TENM4: variants seen among roughly 807,000 people sequenced by gnomAD.
The protein encoded by TENM4 is teneurin-4.
In TENM4, 82 loss-of-function variants were observed where a neutral mutation model predicts 243.3. The observed-to-expected ratio is 0.34, with a 90% CI of 0.28 to 0.40. TENM4 has a LOEUF of 0.40. TENM4 is among the 10% of genes least tolerant of loss of function. The pLI is 1.00. For synonymous variants in TENM4, 1,412 were observed against 1,456.3 expected (o/e 0.97, Z 0.69); for missense variants, 3,138 against 3,673.3 (o/e 0.85, Z 3.77).
intron 4 of TENM4, among the ~76,000 whole-genome samples, chr11:79,070,386 G>C (rs1377809635): frequency 6.6e-6 from 1 of 152,106 alleles, no homozygotes; most frequent in Admixed American, 6.5e-5. Flanking sequence ...CTGGCCCAGG[G>C]CTCCTTAAAA....
chr11:78,895,478 T>C (rs1254279524), intron 7 of TENM4, among the ~76,000 whole-genome samples: 2 of 152,134 alleles, frequency 1.3e-5, no homozygotes, highest in African/African-American at 2.4e-5. Context: ...ACCCATACCA[T>C]AGCAAGTCAG....
At chr11:79,232,692 A>C (rs925395064) in intron 2 of TENM4, among the ~76,000 whole-genome samples, 2 of 152,384 alleles carry the variant, frequency 1.3e-5, no homozygotes, top group Admixed American at 6.5e-5. Flanking sequence ...GAGAATATAA[A>C]GGAATTTCTC....
intron 4 of TENM4, among the ~76,000 whole-genome samples, chr11:79,080,339 A>G (rs557627056): frequency 6.6e-6 from 1 of 152,344 alleles, no homozygotes; most frequent in Non-Finnish European, 1.5e-5. Context: ...AAACACGTCT[A>G]CAGGTGATTC....
At position 79,282,180 on chromosome 11, in the gene TENM4, G is replaced by T. The variant is rs550973817; in HGVS notation, c.-265+15308C>A. Among the ~76,000 whole-genome samples the T allele has an allele frequency of 1.4e-3, 213 of 152,304 alleles. 1 individual carries two copies. Among genetic ancestry groups the T allele is most frequent in the Admixed American group, 4.5e-3 (69 of 15,298 alleles). On this transcript the variant is annotated intron_variant, in intron 2 of 33. Coordinates refer to ENST00000278550, the MANE Select transcript of TENM4 (RefSeq NM_001098816.3). ...AAAAGTACTGAAAAGGATGTAAAAT[G>T]ATCTCTCCTTTCTCTACATTTCTGT...
At chr11:78,890,251 A>G (rs1209971493) in intron 8 of TENM4, among the ~76,000 whole-genome samples, 1 of 152,176 alleles carries the variant, frequency 6.6e-6, no homozygotes, top group Non-Finnish European at 1.5e-5. Flanking sequence ...AGCCCTACCC[A>G]TGGGAAAACC....
intron 1 of TENM4, among the ~76,000 whole-genome samples, chr11:79,412,772 T>A (rs1590948211): frequency 6.6e-6 from 1 of 152,240 alleles, no homozygotes; most frequent in Non-Finnish European, 1.5e-5. Context: ...CGTGCATGCA[T>A]CCATTCATTC....
At chr11:79,372,241 G>A (rs1857802882) in intron 1 of TENM4, among the ~76,000 whole-genome samples, 1 of 152,190 alleles carries the variant, frequency 6.6e-6, no homozygotes, top group African/African-American at 2.4e-5. Flanking sequence ...TTATTAGATG[G>A]ACATCCCAGG....
intron 4 of TENM4, among the ~76,000 whole-genome samples, chr11:79,072,480 G>A (rs1480100773): frequency 3.3e-4 from 9 of 27,448 alleles, no homozygotes; most frequent in Non-Finnish European, 8.7e-4. Context: ...GTGAGACCCT[G>A]TCTCAAAAAA....
chr11:78,816,137 A>G (rs1857599964), intron 12 of TENM4, among the ~76,000 whole-genome samples: 1 of 152,242 alleles, frequency 6.6e-6, no homozygotes, highest in South Asian at 2.1e-4. Context: ...ATTCTCAGGT[A>G]CTGAAAAAGG....
chr11:78,707,603 T>G (rs975726453), intron 27 of TENM4, among the ~76,000 whole-genome samples: 2 of 152,282 alleles, frequency 1.3e-5, no homozygotes, highest in African/African-American at 4.8e-5. Flanking sequence ...CCTTTGCACA[T>G]GCTGTTTCCT....
intron 6 of TENM4, among the ~76,000 whole-genome samples, chr11:78,968,033 A>G (rs1857472032): frequency 1.3e-5 from 2 of 152,190 alleles, no homozygotes; most frequent in African/African-American, 4.8e-5. Context: ...ATCTTTATGA[A>G]TGACGTGGTG....
At chr11:79,296,659 A>G (rs1856459701) in intron 2 of TENM4, among the ~76,000 whole-genome samples, 7 of 152,208 alleles carry the variant, frequency 4.6e-5, no homozygotes, top group Admixed American at 4.6e-4. Flanking sequence ...ATTAGAAACA[A>G]ATGTTTTAGA....
intron 1 of TENM4, among the ~76,000 whole-genome samples, chr11:79,370,421 A>C (rs1283469290): frequency 1.3e-5 from 2 of 152,192 alleles, no homozygotes; most frequent in Admixed American, 1.3e-4. Flanking sequence ...CTCCTGGGGG[A>C]AACCTGCACT....
intron 18 of TENM4, among the ~76,000 whole-genome samples, chr11:78,758,300 T>C (rs1001311424): frequency 1.3e-5 from 2 of 152,156 alleles, no homozygotes; most frequent in African/African-American, 4.8e-5. Context: ...GCTATACAAA[T>C]AAATGAATGG....
intron 6 of TENM4, among the ~76,000 whole-genome samples, chr11:78,993,372 T>C (rs1260589219): frequency 6.6e-6 from 1 of 152,204 alleles, no homozygotes; most frequent in Non-Finnish European, 1.5e-5. Context: ...GGTTTTGTGT[T>C]TATTCCTGTG....
At chr11:79,334,803 G>A (rs969209720) in intron 1 of TENM4, among the ~76,000 whole-genome samples, 1 of 152,172 alleles carries the variant, frequency 6.6e-6, no homozygotes, top group African/African-American at 2.4e-5. Context: ...AAAGAGATCT[G>A]TTTCATTTTA....
At chr11:79,025,572 G>A (rs1276493799) in intron 6 of TENM4, among the ~76,000 whole-genome samples, 1 of 152,168 alleles carries the variant, frequency 6.6e-6, no homozygotes, top group African/African-American at 2.4e-5. Flanking sequence ...ATACTCTGTG[G>A]TAGGTATTAT....
Position 79,057,654 on chromosome 11 carries a change from G to T in TENM4, c.493+7084C>A, listed in dbSNP as rs778386317. Among the ~76,000 whole-genome samples the T allele has an allele frequency of 1.3e-4, 20 of 152,126 alleles. 1 individual carries two copies. Among genetic ancestry groups the T allele is most frequent in the Middle Eastern group, 3.2e-3 (1 of 316 alleles). On this transcript the variant is annotated intron_variant, in intron 6 of 33. Coordinates refer to ENST00000278550, the MANE Select transcript of TENM4 (RefSeq NM_001098816.3). ...CTAGAATGTATCTCCATGAGAGGGG[G>T]CAGTTTTGTCTGCTTTGGTCATTGC...
At chr11:79,422,020 T>A (rs753360759) in intron 1 of TENM4, 1 of 152,348 alleles carries the variant, frequency 6.6e-6, no homozygotes. Flanking sequence ...TGAAGTGCAA[T>A]GAAGGGACCT....
Sources: gnomAD v4.1 joint callset for allele counts (sites outside exome capture counted in the v4.1 genomes callset) on GRCh38, gnomAD v4.1.1 for gene constraint, MANE v1.5 for transcripts, NCBI Gene and HGNC (gene_info 2026-07-23, HGNC 2026-07-21) for gene names.